The following HOXA3 variants were observed in gnomAD, a reference collection of about 807,000 sequenced individuals.
HOXA3 encodes the protein homeobox protein Hox-A3.
In HOXA3, 8 loss-of-function variants were observed where a neutral mutation model predicts 30.3. That is an observed-to-expected ratio of 0.26 (90% CI 0.15 to 0.48). HOXA3 has a LOEUF of 0.48. HOXA3 is among the 20% of genes least tolerant of loss of function. The pLI is 0.99. For synonymous variants in HOXA3, 323 were observed against 273.1 expected, an observed-to-expected ratio of 1.18 and a Z score of -1.80; for missense variants, 653 against 614.4, an observed-to-expected ratio of 1.06 and a Z score of -0.66.
intron 1 of HOXA3, chr7:27,143,576 C>G: frequency 2.5e-6 from 4 of 1,600,612 alleles, no homozygotes; most frequent in Non-Finnish European, 3.4e-6. Flanking sequence ...TGGATAGCGA[C>G]CGCAAAATGA....
chr7:27,131,348 T>TC (rs1236677873), intron 2 of HOXA3, among the ~76,000 whole-genome samples: 1 of 151,866 alleles, frequency 6.6e-6, no homozygotes, highest in African/African-American at 2.4e-5. Context: ...CAACCGCAGA[T>TC]CCCCCTTCCC....
chr7:27,108,154 C>T lies in HOXA3; in HGVS notation c.1093G>A (p.Val365Ile), dbSNP rs775867530. ...YGTPHIQGSPVFVGGSYVEPM... is the reference protein window; with the variant it reads ...YGTPHIQGSPIFVGGSYVEPM... The stretch of plus-strand genomic sequence containing the variant: ...TCCACATAGCTGCCCCCCACGAAGA[C>T]GGGGCTTCCCTGTATGTGTGGGGTC... Residue 365 changes from valine to isoleucine, a missense_variant, in exon 6 of 6, where the codon GTC becomes ATC. By Grantham distance (29) the Val-to-Ile change is conservative. Coordinates refer to ENST00000612286, the MANE Select transcript of HOXA3 (RefSeq NM_153631.3). This position sits in a 1 kb window ranked among gnomAD's most constrained non-coding sequence, Gnocchi z 5.0. 12 of 1,580,110 alleles carry T rather than the reference C, an allele frequency of 7.6e-6. No homozygotes were observed. The highest frequency in any genetic ancestry group is 1.1e-5 in the South Asian group (1 of 88,358).
chr7:27,107,806 G>A lies in HOXA3; in HGVS notation c.*109C>T. On this transcript the variant is annotated 3_prime_UTR_variant, in exon 6 of 6. Transcript: ENST00000612286. ...GTGCGGGGCGGAGAAGAGAGAAAAG[G>A]AAGGAAGGAAAGGGCAGGAAGAACC... The A allele has an allele frequency of 1.3e-6, 1 of 749,834 alleles. No homozygotes were observed. The highest frequency in any genetic ancestry group is 2.0e-6 in the Non-Finnish European group (1 of 490,216). The allele number at this position is 749,834 out of a possible 1,614,324, so 46.4% of individuals were successfully genotyped here.
rs144635617 is a variant in HOXA3 at position 27,120,206 on chromosome 7, C to T, written c.-121+2353G>A. ...ATCAACTCAAAGATGAGAAGGGGCC[C>T]CCTTCAAAGCTCTTGGAACAGTCGA... On this transcript the variant is annotated intron_variant, in intron 4 of 5. Coordinates refer to ENST00000612286, the MANE Select transcript of HOXA3 (RefSeq NM_153631.3). Among the ~76,000 whole-genome samples, 801 of 152,248 alleles carry T rather than the reference C, an allele frequency of 5.3e-3. 3 individuals carry two copies. Among genetic ancestry groups the T allele is most frequent in the Non-Finnish European group, 7.5e-3 (510 of 68,014 alleles).
chr7:27,148,828 T>C (rs1306486688), intron 1 of HOXA3, among the ~76,000 whole-genome samples: 1 of 152,240 alleles, frequency 6.6e-6, no homozygotes, highest in Non-Finnish European at 1.5e-5. Context: ...TCTGTCCACA[T>C]TCCAGAGGCA....
In HOXA3 at chr7:27,113,862, TCCCACCCACCCCA is replaced by T. The variant is rs1413750299; in HGVS notation, c.-120-3115_-120-3103del. The T allele has an allele frequency of 5.4e-4, 54 of 100,042 alleles. 1 individual carries two copies. The highest frequency in any genetic ancestry group is 3.8e-3 in the Admixed American group (41 of 10,672). 6.2% of individuals were successfully genotyped at this position (100,042 alleles called of 1,614,324 possible). A position where few individuals can be genotyped will look rare whatever the true frequency, so the allele number is the denominator to read the frequency against. ...CCGACTGGGGCGGCTTGGACCCCCC[TCCCACCCACCCCA>T]CCCACCCACCCCTCCCCCACACCCC... On this transcript the variant is annotated intron_variant, in intron 4 of 5. Coordinates refer to ENST00000612286, the MANE Select transcript of HOXA3 (RefSeq NM_153631.3). This position sits in a 1 kb window ranked among gnomAD's most constrained non-coding sequence, Gnocchi z 4.8.
Position 27,107,954 on chromosome 7 carries a change from C to T in HOXA3, c.1293G>A (p.Gln431=), listed in dbSNP as rs1255414901. The T allele has an allele frequency of 6.9e-6, 11 of 1,593,758 alleles. No homozygotes were observed. Among genetic ancestry groups the T allele is most frequent in the Non-Finnish European group, 6.9e-6 (8 of 1,164,832 alleles). ...GCTTGGGTGCTTCCTGAATTCTTCCCTGAGAAGGATGGTGGCCGGTAAGGT... is the reference window on the plus strand; with the variant it reads ...GCTTGGGTGCTTCCTGAATTCTTCCTTGAGAAGGATGGTGGCCGGTAAGGT... The part of the protein sequence containing the change: ...YTDLTGHHPS[Q]GRIQEAPKLT... The change falls in exon 6 of 6, where the codon CAG becomes CAA. Residue 431 remains glutamine (Q), a synonymous_variant. Transcript: ENST00000612286.
intron 4 of HOXA3, chr7:27,121,855 TA>T (rs1785027302): frequency 1.3e-5 from 2 of 152,602 alleles, no homozygotes; most frequent in Non-Finnish European, 2.9e-5. Flanking sequence ...CATCCCAAAC[TA>T]AGAGGACAAA....
At chr7:27,143,051 C>T (rs1782629754) in intron 1 of HOXA3, 1 of 1,524,412 alleles carries the variant, frequency 6.6e-7, no homozygotes, top group Non-Finnish European at 8.8e-7. Context: ...TTTACCATGA[C>T]TTATGTGCAG....
chr7:27,151,709 C>T, intron 1 of HOXA3: 1 of 456,548 alleles, frequency 2.2e-6, no homozygotes, highest in South Asian at 1.5e-5. Context: ...CCCCTTCTAC[C>T]TTTCTCTCTG....
At position 27,108,272 on chromosome 7, in the gene HOXA3, T is replaced by G; in HGVS notation, c.975A>C (p.Pro325=). The G allele has an allele frequency of 6.7e-7, 1 of 1,500,370 alleles. No individual in the cohort carries two copies. The highest frequency in any genetic ancestry group is 8.9e-7 in the Non-Finnish European group (1 of 1,125,482). The allele number at this position is 1,500,370 out of a possible 1,614,324, so 92.9% of individuals were successfully genotyped here. The change falls in exon 6 of 6, where the codon CCA becomes CCC. Residue 325 remains proline, a synonymous_variant. Coordinates refer to ENST00000612286, the MANE Select transcript of HOXA3 (RefSeq NM_153631.3). This position sits in a 1 kb window ranked among gnomAD's most constrained non-coding sequence, Gnocchi z 5.0. ...CCCCTGCCGCCGTGTAGCGCTTCTGTGGGGGTGGCGGGGGTGCGCAGCTGG... is the reference window on the plus strand; with the variant it reads ...CCCCTGCCGCCGTGTAGCGCTTCTGGGGGGGTGGCGGGGGTGCGCAGCTGG... The part of the protein sequence containing the change: ...SLPSCAPPPP[P]QKRYTAAGAG...
intron 2 of HOXA3, chr7:27,130,623 G>A (rs1413413465): frequency 1.3e-6 from 2 of 1,564,406 alleles, no homozygotes; most frequent in African/African-American, 1.4e-5. Flanking sequence ...CGGGGCCCCC[G>A]CCCGGGCCGC....
chr7:27,149,849 A>G (rs1194539726), intron 1 of HOXA3, among the ~76,000 whole-genome samples: 2 of 152,256 alleles, frequency 1.3e-5, no homozygotes, highest in Non-Finnish European at 2.9e-5. Context: ...GCAAGTTATT[A>G]TTTAAAATGA....
chr7:27,126,402 C>A (rs1785285357), intron 3 of HOXA3, among the ~76,000 whole-genome samples: 1 of 149,504 alleles, frequency 6.7e-6, no homozygotes, highest in South Asian at 2.1e-4. Flanking sequence ...AAAATACTGT[C>A]TTTAAAGGTC....
chr7:27,143,182 C>T, intron 1 of HOXA3: 1 of 1,611,244 alleles, frequency 6.2e-7, no homozygotes, highest in Non-Finnish European at 8.5e-7. Context: ...CCGTGCCAAC[C>T]CCCTCTCTGC....
At chr7:27,125,991 G>A (rs1291550457) in intron 3 of HOXA3, among the ~76,000 whole-genome samples, 1 of 152,176 alleles carries the variant, frequency 6.6e-6, no homozygotes, top group African/African-American at 2.4e-5. Context: ...AGTCAGAGAT[G>A]CTATGCGAAG....
intron 2 of HOXA3, among the ~76,000 whole-genome samples, chr7:27,136,644 C>T (rs779914825): frequency 9.9e-4 from 151 of 152,184 alleles, no homozygotes; most frequent in Non-Finnish European, 1.9e-3. Flanking sequence ...CAGTGAACTG[C>T]GCGGGCGTCA....
At chr7:27,137,174 CAACAAATG>C (rs1465717222) in intron 2 of HOXA3, among the ~76,000 whole-genome samples, 1 of 152,188 alleles carries the variant, frequency 6.6e-6, no homozygotes, top group Non-Finnish European at 1.5e-5. Flanking sequence ...CTCAGAATCT[CAACAAATG>C]AACAGGACTC....
rs139610998 is a variant in HOXA3 at position 27,152,215 on chromosome 7, C to T, written c.-494+73G>A. ...GCCCCTCTTAAAGCCTCCCTGGGTG[C>T]CCTCTCCCACCGCTACCGCCGCCGG... On this transcript the variant is annotated intron_variant, in intron 1 of 5. Coordinates refer to ENST00000612286, the MANE Select transcript of HOXA3 (RefSeq NM_153631.3). The T allele has an allele frequency of 3.3e-3, 3,187 of 971,312 alleles. 73 individuals are homozygous for T. In the African/African-American group the frequency reaches 0.048, roughly 15 times the overall value. The allele number at this position is 971,312 out of a possible 1,614,324, so 60.2% of individuals were successfully genotyped here. A position where few individuals can be genotyped will look rare whatever the true frequency, so the allele number is the denominator to read the frequency against.
Sources: gnomAD v4.1 joint callset for allele counts (sites outside exome capture counted in the v4.1 genomes callset) on GRCh38, gnomAD v4.1.1 for gene constraint, Gnocchi (gnomAD v3.1) non-coding constraint, MANE v1.5 for transcripts, NCBI Gene and HGNC (gene_info 2026-07-23, HGNC 2026-07-21) for gene names.